SLC9C1: variants seen among roughly 807,000 people sequenced by gnomAD.
SLC9C1 encodes the protein solute carrier family 9 member C1.
In SLC9C1, 97 loss-of-function variants were observed where a neutral mutation model predicts 140.9. The observed-to-expected ratio is 0.69, with a 90% CI of 0.58 to 0.82. The LOEUF (loss-of-function observed/expected upper bound fraction) is 0.82, where lower values mean the gene tolerates loss of function less well. Among genes scored for constraint, SLC9C1 ranks in the 40% least tolerant of loss-of-function variants. The probability of loss-of-function intolerance (pLI) is 0.00; values close to 1 mark genes in which losing one functional copy is unlikely to be tolerated. For synonymous variants in SLC9C1, 440 were observed against 442.6 expected (o/e 0.99, Z 0.07); for missense variants, 1,340 against 1,389.3 (o/e 0.96, Z 0.56).
At chr3:112,213,009 C>G (rs973140874) in intron 15 of SLC9C1, among the ~76,000 whole-genome samples, 3 of 152,194 alleles carry the variant, frequency 2.0e-5, no homozygotes, top group African/African-American at 7.2e-5. Flanking sequence ...GCAGATCTCT[C>G]AGCAGAAACT....
At chr3:112,236,149 C>T (rs2078979899) in intron 12 of SLC9C1, among the ~76,000 whole-genome samples, 1 of 152,074 alleles carries the variant, frequency 6.6e-6, no homozygotes, top group African/African-American at 2.4e-5. Flanking sequence ...ATTTCAGAGC[C>T]TGTTATTGGT....
intron 26 of SLC9C1, among the ~76,000 whole-genome samples, chr3:112,165,871 G>T (rs2077119640): frequency 6.6e-6 from 1 of 152,218 alleles, no homozygotes; most frequent in African/African-American, 2.4e-5. Flanking sequence ...CCCAGAGGTG[G>T]CATCTGCAGA....
Position 112,292,745 on chromosome 3 carries a change from G to A in SLC9C1, c.-88+1348C>T, listed in dbSNP as rs576719971. 2.7e-3 allele frequency among the ~76,000 whole-genome samples: 407 copies of A among 151,612 alleles called. 1 individual carries two copies. Among genetic ancestry groups the A allele is most frequent in the Middle Eastern group, 0.01 (3 of 294 alleles). On this transcript the variant is annotated intron_variant, in intron 1 of 28. Transcript: ENST00000305815. ...TTTTTAGTAGAGACGGGGTTTCACTGTGTTAGCCAGGATGGTCTCGATCTC... is the reference window on the plus strand; with the variant it reads ...TTTTTAGTAGAGACGGGGTTTCACTATGTTAGCCAGGATGGTCTCGATCTC...
chr3:112,288,860 C>T (rs553681254), intron 1 of SLC9C1, among the ~76,000 whole-genome samples: 2 of 152,100 alleles, frequency 1.3e-5, no homozygotes, highest in South Asian at 4.2e-4. Context: ...ACTTTAACAC[C>T]ACTGGCCTCA....
At chr3:112,278,884 C>CTCATTTAT (rs139203276) in intron 3 of SLC9C1, 27 bp from the exon 4 acceptor site, 63,911 of 1,587,608 alleles carry the variant, frequency 0.04, 4,080 homozygotes, top group East Asian at 0.26. Context: ...ATATCATCTT[C>CTCATTTAT]TCATTTATTC....
chr3:112,191,845 C>T (rs546094039), intron 20 of SLC9C1, among the ~76,000 whole-genome samples: 105 of 152,036 alleles, frequency 6.9e-4, no homozygotes, highest in South Asian at 5.8e-3. Context: ...TCAAATATCT[C>T]AGAATTATTT....
intron 27 of SLC9C1, among the ~76,000 whole-genome samples, chr3:112,154,699 G>C (rs1396975324): frequency 6.6e-6 from 1 of 152,158 alleles, no homozygotes. Context: ...AGTGGAAAGG[G>C]CTTGGGTGTG....
intron 15 of SLC9C1, among the ~76,000 whole-genome samples, chr3:112,211,582 C>T (rs1049279530): frequency 1.3e-5 from 2 of 152,216 alleles, no homozygotes; most frequent in South Asian, 2.1e-4. Flanking sequence ...CTCGGAGGGT[C>T]CCACGCCCAC....
intron 10 of SLC9C1, among the ~76,000 whole-genome samples, chr3:112,248,813 C>G (rs2079365877): frequency 6.6e-6 from 1 of 152,110 alleles, no homozygotes. Flanking sequence ...TTAAATAAAT[C>G]CCCTCTATCC....
At chr3:112,236,835 T>C (rs1473375723) in intron 12 of SLC9C1, among the ~76,000 whole-genome samples, 1 of 151,376 alleles carries the variant, frequency 6.6e-6, no homozygotes, top group African/African-American at 2.4e-5. Flanking sequence ...TCTGAGAGAT[T>C]GTTGTGATTT....
At chr3:112,230,423 T>C (rs935084784) in intron 13 of SLC9C1, among the ~76,000 whole-genome samples, 5 of 152,188 alleles carry the variant, frequency 3.3e-5, no homozygotes, top group Non-Finnish European at 4.4e-5. Context: ...GTCATTACTC[T>C]GTGGATAGCA....
intron 16 of SLC9C1, among the ~76,000 whole-genome samples, chr3:112,206,900 C>T (rs6796241): frequency 0.23 from 34,808 of 151,466 alleles, 5,013 homozygotes; most frequent in Non-Finnish European, 0.33. Flanking sequence ...ATGTAAATGA[C>T]GAGTTAATGG....
intron 1 of SLC9C1, among the ~76,000 whole-genome samples, chr3:112,287,458 C>A (rs2080543114): frequency 6.6e-6 from 1 of 152,066 alleles, no homozygotes; most frequent in African/African-American, 2.4e-5. Context: ...TATATAGCAA[C>A]CAAGAATGTA....
chr3:112,154,934 C>A (rs1217258554), intron 27 of SLC9C1, 63 bp downstream of exon 27: 5 of 1,456,318 alleles, frequency 3.4e-6, no homozygotes, highest in South Asian at 1.2e-5. Flanking sequence ...TTGGTAGTTT[C>A]CATAAATTCT....
rs2079729161 is a variant in SLC9C1, at chr3:112,260,045, G to A, written c.1197+2879C>T. ...TCAATGATGATTTCAATTCTTTCATGTCTTTGCTGATTTTCTGTCTAGTTG... is the reference window on the plus strand; with the variant it reads ...TCAATGATGATTTCAATTCTTTCATATCTTTGCTGATTTTCTGTCTAGTTG... On this transcript the variant is annotated intron_variant, in intron 10 of 28. Transcript: ENST00000305815. Among the ~76,000 whole-genome samples, 5 of 151,976 alleles carry A rather than the reference G, an allele frequency of 3.3e-5. No individual in the cohort carries two copies. The South Asian group carries it at 1.0e-3, about 32-fold the overall frequency.
chr3:112,231,969 C>G (rs946605434), intron 12 of SLC9C1, among the ~76,000 whole-genome samples: 3 of 152,040 alleles, frequency 2.0e-5, no homozygotes, highest in Non-Finnish European at 4.4e-5. Context: ...TAAAATGATA[C>G]TTAATGTAAA....
intron 6 of SLC9C1, among the ~76,000 whole-genome samples, chr3:112,271,393 G>GTATA (rs57918598): frequency 7.2e-5 from 9 of 125,594 alleles, no homozygotes; most frequent in Admixed American, 8.7e-5. Flanking sequence ...ATTCTACATT[G>GTATA]TATATATATA....
intron 28 of SLC9C1, among the ~76,000 whole-genome samples, chr3:112,146,682 A>G (rs2074805274): frequency 6.6e-6 from 1 of 152,108 alleles, no homozygotes; most frequent in African/African-American, 2.4e-5. Flanking sequence ...TATGGTTGGT[A>G]TGATTTTGAT....
intron 6 of SLC9C1, among the ~76,000 whole-genome samples, chr3:112,270,949 G>T (rs561056246): frequency 2.6e-5 from 4 of 152,222 alleles, no homozygotes; most frequent in Non-Finnish European, 5.9e-5. Context: ...AATGAATAAA[G>T]AAAATATGGT....
Sources: gnomAD v4.1 joint callset for allele counts (sites outside exome capture counted in the v4.1 genomes callset) on GRCh38, gnomAD v4.1.1 for gene constraint, MANE v1.5 for transcripts, NCBI Gene and HGNC (gene_info 2026-07-23, HGNC 2026-07-21) for gene names.